Variants in ARHGAP6 observed in about 807,000 individuals in gnomAD.
ARHGAP6 encodes the protein rho GTPase-activating protein 6.
ARHGAP6 carries 16 observed loss-of-function variants against 55.7 expected under a neutral mutation model. That is an observed-to-expected ratio of 0.29 (90% CI 0.19 to 0.44). The LOEUF (loss-of-function observed/expected upper bound fraction) is 0.44. ARHGAP6 is among the 20% of genes least tolerant of loss of function. The pLI is 1.00. For synonymous variants in ARHGAP6, 382 were observed against 360.9 expected (o/e 1.06, Z -0.66); for missense variants, 698 against 808.9 (o/e 0.86, Z 1.66).
At chrX:11,342,898 C>G (rs954518118) in intron 1 of ARHGAP6, among the ~76,000 whole-genome samples, 11 of 112,352 alleles carry the variant, frequency 9.8e-5, no homozygotes, top group Non-Finnish European at 1.9e-4. Context: ...TGCTCTCTGT[C>G]AAGTGTCTTT....
chrX:11,311,672 GA>G, intron 1 of ARHGAP6, among the ~76,000 whole-genome samples: 1 of 111,297 alleles, frequency 9.0e-6, no homozygotes, highest in Admixed American at 9.6e-5. Flanking sequence ...GTGTGGAGGA[GA>G]AGGCTTCCTG....
At chrX:11,608,406 AC>A (rs1289049058) in intron 1 of ARHGAP6, among the ~76,000 whole-genome samples, 1 of 111,788 alleles carries the variant, frequency 8.9e-6, no homozygotes. Flanking sequence ...AACTCTGACA[AC>A]CGAAAAATCT....
intron 1 of ARHGAP6, among the ~76,000 whole-genome samples, chrX:11,348,695 G>A (rs1345119175): frequency 8.9e-6 from 1 of 111,784 alleles, no homozygotes; most frequent in Non-Finnish European, 1.9e-5. Context: ...TGTTACCCAG[G>A]CTGGAATGCA....
chrX:11,634,903 G>T (rs951529709), intron 1 of ARHGAP6, among the ~76,000 whole-genome samples: 1 of 111,984 alleles, frequency 8.9e-6, no homozygotes, highest in African/African-American at 3.2e-5. Flanking sequence ...CATGATCAAG[G>T]TGTCACTGAA....
At chrX:11,623,809 A>G (rs2052261093) in intron 1 of ARHGAP6, among the ~76,000 whole-genome samples, 1 of 112,033 alleles carries the variant, frequency 8.9e-6, no homozygotes, top group Non-Finnish European at 1.9e-5. Flanking sequence ...CATCTTACCC[A>G]AAGTGATTTA....
rs777020088 is a variant in ARHGAP6 at position 11,139,491 on chromosome X, G to A, written c.2297C>T (p.Ala766Val). 1 of 1,148,334 alleles carries A rather than the reference G, an allele frequency of 8.7e-7. No homozygotes were observed. The allele number at this position is 1,148,334 out of a possible 1,213,427, so 94.6% of individuals were successfully genotyped here. A position where few individuals can be genotyped will look rare whatever the true frequency, so the allele number is the denominator to read the frequency against. ...GDIFESSSLRAGPCSLSQGNL... is the reference protein window; with the variant it reads ...GDIFESSSLRVGPCSLSQGNL... ...CCCTTGAGAAAGGGAGCAGGGCCCC[G>A]CTCTTAGGGAGCTGCTTTCAAAAAT... The change falls in exon 13 of 13, where the codon GCG becomes GTG. Residue 766 changes from alanine (A) to valine (V), a missense_variant. By Grantham distance (64) the Ala-to-Val change is moderately conservative. This residue lies in a region of ARHGAP6 where 212 missense variants were observed against 208.7 expected (regional missense o/e 1.02). Transcript: ENST00000337414.
chrX:11,505,993 A>C (rs753207408), intron 1 of ARHGAP6, among the ~76,000 whole-genome samples: 145 of 111,118 alleles, frequency 1.3e-3, no homozygotes, highest in Middle Eastern at 4.7e-3. Context: ...CTATAACAAG[A>C]GTTTACCTAT....
At chrX:11,564,125 T>C (rs1408710247) in intron 1 of ARHGAP6, among the ~76,000 whole-genome samples, 1 of 111,950 alleles carries the variant, frequency 8.9e-6, no homozygotes, top group Non-Finnish European at 1.9e-5. Flanking sequence ...TAAATCAGTG[T>C]TCAGTGCAAC....
intron 1 of ARHGAP6, among the ~76,000 whole-genome samples, chrX:11,505,352 C>T (rs1262351189): frequency 1.8e-5 from 2 of 111,095 alleles, no homozygotes; most frequent in Non-Finnish European, 3.8e-5. Flanking sequence ...AATGAGATAC[C>T]ATCGCACATC....
chrX:11,217,992 T>A (rs2046906233), intron 2 of ARHGAP6, among the ~76,000 whole-genome samples: 1 of 111,997 alleles, frequency 8.9e-6, no homozygotes, highest in Admixed American at 9.5e-5. Flanking sequence ...TTGCTTGTTT[T>A]TATCAGGTTT....
chrX:11,283,926 G>A (rs5934990), intron 1 of ARHGAP6, among the ~76,000 whole-genome samples: 5 of 112,082 alleles, frequency 4.5e-5, no homozygotes, highest in African/African-American at 1.3e-4. Context: ...CTAAGTTTGT[G>A]ATTATTTATT....
chrX:11,159,572 C>T (rs185241165), intron 9 of ARHGAP6, among the ~76,000 whole-genome samples: 11 of 111,080 alleles, frequency 9.9e-5, no homozygotes, highest in Non-Finnish European at 2.1e-4. Flanking sequence ...TTGCTGTTGA[C>T]TGGTTTGGAG....
At chrX:11,407,683 A>G (rs1408666450) in intron 1 of ARHGAP6, among the ~76,000 whole-genome samples, 6 of 111,733 alleles carry the variant, frequency 5.4e-5, no homozygotes, top group Non-Finnish European at 1.1e-4. Context: ...CATCATTACT[A>G]TCCTGGTGGG....
chrX:11,377,843 C>G (rs777982747), intron 1 of ARHGAP6, among the ~76,000 whole-genome samples: 2 of 111,531 alleles, frequency 1.8e-5, no homozygotes, highest in African/African-American at 3.3e-5. Context: ...AGGAACTGAT[C>G]TGTGGGCCCA....
chrX:11,193,804 T>C (rs951072053), intron 3 of ARHGAP6, among the ~76,000 whole-genome samples: 1 of 112,627 alleles, frequency 8.9e-6, no homozygotes, highest in African/African-American at 3.2e-5. Flanking sequence ...AGCCCTTCCT[T>C]CCATGTTAAT....
At chrX:11,384,193 C>T (rs910161676) in intron 1 of ARHGAP6, among the ~76,000 whole-genome samples, 1 of 111,658 alleles carries the variant, frequency 9.0e-6, no homozygotes, top group Non-Finnish European at 1.9e-5. Context: ...GATGTGCCCC[C>T]GGGTAGCCAA....
intron 1 of ARHGAP6, among the ~76,000 whole-genome samples, chrX:11,604,563 C>T (rs953051954): frequency 1.8e-5 from 2 of 111,728 alleles, no homozygotes; most frequent in African/African-American, 6.5e-5. Context: ...TATTGTGTAA[C>T]TGGGCTCAAA....
intron 1 of ARHGAP6, among the ~76,000 whole-genome samples, chrX:11,661,107 T>C (rs1313516674): frequency 8.9e-6 from 1 of 112,396 alleles, no homozygotes; most frequent in Non-Finnish European, 1.9e-5. Flanking sequence ...AATTATGGGT[T>C]GCAAAAGTTG....
At chrX:11,166,457 G>A (rs2046018156) in intron 9 of ARHGAP6, among the ~76,000 whole-genome samples, 1 of 111,931 alleles carries the variant, frequency 8.9e-6, no homozygotes, top group Non-Finnish European at 1.9e-5. Flanking sequence ...ATCAGGCCCT[G>A]ACTAGCTTCA....
Sources: allele counts gnomAD v4.1 joint callset (sites outside exome capture counted in the v4.1 genomes callset), GRCh38; gene constraint gnomAD v4.1.1; regional missense constraint gnomAD v4.1.1; transcripts MANE v1.5; gene names NCBI Gene and HGNC (gene_info 2026-07-23, HGNC 2026-07-21).